Variants in DRC9 observed in about 807,000 individuals in gnomAD.
DRC9 encodes the protein dynein regulatory complex protein 9.
At chr3:197,931,915 G>A in the DRC9 span, among the ~76,000 whole-genome samples, 74 of 152,072 alleles carry the variant, frequency 4.9e-4, no homozygotes, top group Non-Finnish European at 8.7e-4. Context: ...GTGAGCCACC[G>A]CGCCCGGCCG....
At chr3:197,941,091 T>C in the DRC9 span, among the ~76,000 whole-genome samples, 1 of 152,140 alleles carries the variant, frequency 6.6e-6, no homozygotes, top group Non-Finnish European at 1.5e-5. Context: ...TGAAAAGACT[T>C]CATTTATTAA....
At chr3:197,899,308 C>T in the DRC9 span, among the ~76,000 whole-genome samples, 1 of 152,152 alleles carries the variant, frequency 6.6e-6, no homozygotes, top group Non-Finnish European at 1.5e-5. Flanking sequence ...TGTTTCAGAG[C>T]ATAAAAAGAT....
At chr3:197,907,449 G>A in the DRC9 span, among the ~76,000 whole-genome samples, 3 of 152,162 alleles carry the variant, frequency 2.0e-5, no homozygotes, top group African/African-American at 7.2e-5. Flanking sequence ...CAGACTCTCT[G>A]GTAAGTGCAT....
chr3:197,911,217 G>GA, the DRC9 span, among the ~76,000 whole-genome samples: 1 of 152,110 alleles, frequency 6.6e-6, no homozygotes, highest in African/African-American at 2.4e-5. Context: ...AGCAGACTTT[G>GA]AAAAATATTG....
the DRC9 span, chr3:197,955,701 A>T: frequency 6.9e-7 from 1 of 1,454,876 alleles, no homozygotes; most frequent in Non-Finnish European, 9.6e-7. Context: ...TGATTTGTAG[A>T]CGTATATATA....
At chr3:197,891,334 C>T in the DRC9 span, 1 of 618,358 alleles carries the variant, frequency 1.6e-6, no homozygotes, top group Non-Finnish European at 2.9e-6. Context: ...TGCTTCTTCT[C>T]AGATCTGCAG....
the DRC9 span, among the ~76,000 whole-genome samples, chr3:197,941,199 TCTTTCTTTCCCTTCCTTCCTCCCTCC>T: frequency 1.4e-5 from 2 of 140,746 alleles, no homozygotes; most frequent in African/African-American, 5.3e-5. Context: ...CTCCTCTGTC[TCTTTCTTTCCCTTCCTTCCTCCCTCC>T]CTTCCCTTCC....
At chr3:197,906,799 G>A in the DRC9 span, 10 of 152,364 alleles carry the variant, frequency 6.6e-5, no homozygotes, top group African/African-American at 2.4e-4. Flanking sequence ...AGGGGCCCTG[G>A]GGCTGTGAAC....
the DRC9 span, among the ~76,000 whole-genome samples, chr3:197,923,500 C>T: frequency 0.25 from 37,615 of 152,016 alleles, 5,804 homozygotes; most frequent in African/African-American, 0.45. Context: ...GGGGCCAAGG[C>T]AGACAGATCA....
At chr3:197,897,769 CCT>C in the DRC9 span, among the ~76,000 whole-genome samples, 1 of 145,190 alleles carries the variant, frequency 6.9e-6, no homozygotes, top group African/African-American at 2.6e-5. Flanking sequence ...CAAGCATAAA[CCT>C]TTTTTTTTTT....
chr3:197,913,120 C>T, the DRC9 span: 1 of 192,880 alleles, frequency 5.2e-6, no homozygotes, highest in African/African-American at 2.4e-5. Context: ...TCCTCCCACA[C>T]ACAGATTCCA....
the DRC9 span, chr3:197,951,084 T>C: frequency 1.3e-5 from 21 of 1,607,096 alleles, no homozygotes; most frequent in Non-Finnish European, 1.7e-5. Flanking sequence ...TGAGTAACTT[T>C]TGGGTGGGGG....
chr3:197,890,014 A>G, the DRC9 span, among the ~76,000 whole-genome samples: 3 of 152,190 alleles, frequency 2.0e-5, no homozygotes, highest in African/African-American at 4.8e-5. Context: ...TTCCTTGAGG[A>G]AAGTCCAGGT....
At chr3:197,912,762 TCAGATACCAGTAC>T in the DRC9 span, 47 of 1,606,230 alleles carry the variant, frequency 2.9e-5, no homozygotes, top group Non-Finnish European at 3.8e-5. Context: ...GTAAGAACAA[TCAGATACCAGTAC>T]GTCTTCCCCG....
chr3:197,944,047 T>C, the DRC9 span: 1 of 1,611,628 alleles, frequency 6.2e-7, no homozygotes, highest in Non-Finnish European at 8.5e-7. Flanking sequence ...TCTTCCAGGC[T>C]GTCTCTAAGG....
the DRC9 span, among the ~76,000 whole-genome samples, chr3:197,932,846 T>C: frequency 1.1e-5 from 1 of 88,120 alleles, no homozygotes; most frequent in East Asian, 2.9e-4. Context: ...ATGTATTATA[T>C]ATAATATACA....
chr3:197,942,214 T>C, the DRC9 span, among the ~76,000 whole-genome samples: 2 of 151,764 alleles, frequency 1.3e-5, 1 homozygote, highest in South Asian at 4.1e-4. Flanking sequence ...AAATCCATTG[T>C]TTTGTAAAAT....
chr3:197,932,408 G>A, the DRC9 span: 1 of 784,160 alleles, frequency 1.3e-6, no homozygotes, highest in Admixed American at 2.5e-5. Context: ...GCTGAGGCAG[G>A]CGGATCACGA....
the DRC9 span, among the ~76,000 whole-genome samples, chr3:197,916,627 G>A: frequency 1.3e-5 from 2 of 152,158 alleles, no homozygotes; most frequent in South Asian, 2.1e-4. Context: ...CCCCCAGGCT[G>A]TAGTGCAGTG....
Sources: gnomAD v4.1 joint callset for allele counts (sites outside exome capture counted in the v4.1 genomes callset) on GRCh38, gnomAD v4.1.1 for gene constraint, MANE v1.5 for transcripts, NCBI Gene and HGNC (gene_info 2026-07-23, HGNC 2026-07-21) for gene names.